Variants in FAM120B observed in about 807,000 individuals in gnomAD.
The protein encoded by FAM120B is family with sequence similarity 120 member B, also known as constitutive coactivator of peroxisome proliferator-activated receptor gamma.
FAM120B carries 83 observed loss-of-function variants against 96.3 expected under a neutral mutation model. That is an observed-to-expected ratio of 0.86 (90% CI 0.72 to 1.03). FAM120B has a LOEUF of 1.03. FAM120B is among the 50% of genes least tolerant of loss of function. The pLI, the probability that FAM120B is intolerant of heterozygous loss-of-function variation, is 0.00. For synonymous variants in FAM120B, 407 were observed against 402.7 expected (o/e 1.01, Z -0.13); for missense variants, 1,027 against 1,121.2 (o/e 0.92, Z 1.20).
At chr6:170,394,912 G>A (rs73040855) in intron 8 of FAM120B, among the ~76,000 whole-genome samples, 2,429 of 152,366 alleles carry the variant, frequency 0.016, 26 homozygotes, top group Non-Finnish European at 0.023. Flanking sequence ...AGGGCTGGAC[G>A]GCCTGGGCCT....
intron 4 of FAM120B, among the ~76,000 whole-genome samples, chr6:170,336,534 T>C (rs1786435317): frequency 6.6e-6 from 1 of 152,214 alleles, no homozygotes. Flanking sequence ...TGGTTCCATA[T>C]GAAATTTAAA....
intron 9 of FAM120B, among the ~76,000 whole-genome samples, chr6:170,401,225 C>T (rs1031980723): frequency 6.6e-6 from 1 of 152,228 alleles, no homozygotes; most frequent in African/African-American, 2.4e-5. Context: ...CCAGTCGCCC[C>T]GGTCTTGCCA....
intron 6 of FAM120B, among the ~76,000 whole-genome samples, chr6:170,367,764 T>G (rs1788895217): frequency 6.6e-6 from 1 of 152,252 alleles, no homozygotes; most frequent in Non-Finnish European, 1.5e-5. Context: ...AAGTCCTATC[T>G]TATTCTTAGA....
rs145842327 is a variant in FAM120B at position 170,359,929 on chromosome 6, G to A, written c.2283+1611G>A. 3.5e-3 allele frequency among the ~76,000 whole-genome samples: 538 copies of A among 152,240 alleles called. 5 individuals are homozygous for A. Among genetic ancestry groups the A allele is most frequent in the African/African-American group, 0.012 (497 of 41,518 alleles). On this transcript the variant is annotated intron_variant, in intron 6 of 10. Coordinates refer to ENST00000476287, the MANE Select transcript of FAM120B (RefSeq NM_032448.3). ...AATTTTAAGTTATCAGTAGGTTAAT[G>A]TGCATTCTTCACGCCGAGCGGCAGC...
intron 8 of FAM120B, 31 bp from the exon 9 acceptor site, chr6:170,395,456 T>C: frequency 6.5e-7 from 1 of 1,531,190 alleles, no homozygotes; most frequent in Non-Finnish European, 8.9e-7. Flanking sequence ...ATTTGACAAC[T>C]TACTAATCTT....
At position 170,400,980 on chromosome 6, in the gene FAM120B, A is replaced by G. The variant is rs145071441; in HGVS notation, c.2693-3570A>G. On this transcript the variant is annotated intron_variant, in intron 9 of 10. Transcript: ENST00000476287. ...ACAGGAGCATCTTTAAACTAGACCA[A>G]AAGAACCCCCTTCCTTGGATTGACA... is the stretch of plus-strand genomic sequence containing the variant. 2.3e-3 allele frequency among the ~76,000 whole-genome samples: 343 copies of G among 152,338 alleles called. 2 individuals carry two copies. The highest frequency in any genetic ancestry group is 0.014 in the Middle Eastern group (4 of 294).
At chr6:170,336,129 A>G (rs908975977) in intron 4 of FAM120B, among the ~76,000 whole-genome samples, 4 of 152,188 alleles carry the variant, frequency 2.6e-5, no homozygotes, top group South Asian at 2.1e-4. Context: ...GCCCATGCCT[A>G]TGTCCTGAAT....
intron 4 of FAM120B, among the ~76,000 whole-genome samples, chr6:170,342,951 C>A (rs1411458010): frequency 6.6e-6 from 1 of 152,210 alleles, no homozygotes; most frequent in African/African-American, 2.4e-5. Flanking sequence ...TCCTCTTACA[C>A]ACCAGATAAA....
chr6:170,337,238 A>G (rs1786495051), intron 4 of FAM120B, among the ~76,000 whole-genome samples: 1 of 152,220 alleles, frequency 6.6e-6, no homozygotes, highest in Non-Finnish European at 1.5e-5. Context: ...AGTTTTTAGC[A>G]TGAAGGGCTG....
chr6:170,330,667 A>G (rs1785960739), intron 4 of FAM120B, 117 bp downstream of exon 4: 2 of 739,904 alleles, frequency 2.7e-6, no homozygotes, highest in South Asian at 3.6e-5. Context: ...ACTAGTTTTT[A>G]TTTAAACCCT....
chr6:170,391,051 C>T lies in FAM120B; in HGVS notation c.2529C>T (p.Val843=), dbSNP rs377482964. Residue 843 remains valine, a synonymous_variant, in exon 8 of 11, where the codon GTC becomes GTT. Coordinates refer to ENST00000476287, the MANE Select transcript of FAM120B (RefSeq NM_032448.3). ...RLTKFHNLKA[V]VCKACMKENR... Reference sequence around the variant, plus strand: ...CCAAATTCCACAACCTGAAGGCAGTCGTCTGCAAGGCCTGCATGAAGGAGA... The same window carrying T: ...CCAAATTCCACAACCTGAAGGCAGTTGTCTGCAAGGCCTGCATGAAGGAGA... 1.7e-5 allele frequency: 28 copies of T among 1,614,058 alleles called. No homozygotes were observed. The highest frequency in any genetic ancestry group is 1.3e-4 in the African/African-American group (10 of 74,930).
chr6:170,355,303 C>G (rs1787833750), intron 5 of FAM120B, among the ~76,000 whole-genome samples: 1 of 152,110 alleles, frequency 6.6e-6, no homozygotes. Flanking sequence ...ATAGCAAAGA[C>G]ATTGAATCAA....
At position 170,362,460 on chromosome 6, in the gene FAM120B, G is replaced by A. The variant is rs191023720; in HGVS notation, c.2283+4142G>A. Among the ~76,000 whole-genome samples the A allele has an allele frequency of 1.5e-3, 235 of 152,254 alleles. 1 individual carries two copies. Among genetic ancestry groups the A allele is most frequent in the African/African-American group, 5.3e-3 (222 of 41,544 alleles). On this transcript the variant is annotated intron_variant, in intron 6 of 10. Coordinates refer to ENST00000476287, the MANE Select transcript of FAM120B (RefSeq NM_032448.3). ...ATTGTCTACCTGCCACTCTCCCAGT[G>A]TTCTGTAAGAATCTGATACAGGCCC...
chr6:170,386,933 T>C (rs1230286164), intron 6 of FAM120B, among the ~76,000 whole-genome samples: 2 of 152,224 alleles, frequency 1.3e-5, no homozygotes, highest in Non-Finnish European at 2.9e-5. Context: ...GCAATATTGA[T>C]TTAACATTTG....
chr6:170,338,544 G>C (rs1228595444), intron 4 of FAM120B, among the ~76,000 whole-genome samples: 1 of 152,126 alleles, frequency 6.6e-6, no homozygotes, highest in East Asian at 1.9e-4. Context: ...ATGTCTCTTA[G>C]GTCTACTTGG....
chr6:170,324,746 C>G (rs569341058), intron 3 of FAM120B, among the ~76,000 whole-genome samples: 1 of 152,246 alleles, frequency 6.6e-6, no homozygotes, highest in Admixed American at 6.5e-5. Flanking sequence ...CTTTCTTTCT[C>G]CCTCAACTTT....
At chr6:170,394,378 C>G (rs1167516535) in intron 8 of FAM120B, among the ~76,000 whole-genome samples, 1 of 152,236 alleles carries the variant, frequency 6.6e-6, no homozygotes, top group African/African-American at 2.4e-5. Context: ...ATCTGGGCCC[C>G]AGACAAGGGG....
chr6:170,359,308 G>A (rs892955411), intron 6 of FAM120B, among the ~76,000 whole-genome samples: 7 of 151,664 alleles, frequency 4.6e-5, no homozygotes, highest in Non-Finnish European at 7.4e-5. Flanking sequence ...CAATAGAATC[G>A]CTTGAAACTG....
chr6:170,398,072 A>G (rs1778287024), intron 9 of FAM120B, among the ~76,000 whole-genome samples: 1 of 152,222 alleles, frequency 6.6e-6, no homozygotes, highest in Non-Finnish European at 1.5e-5. Flanking sequence ...GGAGGATGGG[A>G]AAGAGGCTAC....
Sources: gnomAD v4.1 joint callset for allele counts (sites outside exome capture counted in the v4.1 genomes callset) on GRCh38, gnomAD v4.1.1 for gene constraint, MANE v1.5 for transcripts, NCBI Gene and HGNC (gene_info 2026-07-23, HGNC 2026-07-21) for gene names.